Variants in SLC12A4 observed in about 807,000 individuals in gnomAD.
SLC12A4 encodes the protein solute carrier family 12 member 4.
Under a neutral mutation model 119.2 loss-of-function variants are expected in SLC12A4, and 84 were observed. The ratio of observed to expected loss-of-function variants is 0.70; its 90% CI spans 0.59 to 0.85. The LOEUF (loss-of-function observed/expected upper bound fraction) is 0.85. SLC12A4 is among the 40% of genes least tolerant of loss of function. The pLI is 0.00. For missense variants in SLC12A4, 1,298 were observed against 1,476.3 expected, an observed-to-expected ratio of 0.88 and a Z score of 1.98; for synonymous variants, 599 against 604.6, an observed-to-expected ratio of 0.99 and a Z score of 0.14.
rs1363076317 is a variant in SLC12A4, at chr16:67,961,703, C to G, written c.214G>C (p.Glu72Gln). The change falls in exon 3 of 24, where the codon GAG becomes CAG. Residue 72 changes from glutamate (E) to glutamine (Q), a missense_variant. Coordinates refer to ENST00000316341, the MANE Select transcript of SLC12A4 (RefSeq NM_005072.5). ...YDRNLALFEE[E>Q]LDIRPKVSSL... The stretch of plus-strand genomic sequence containing the variant: ...GATACCTTTGGGCGGATGTCCAGCT[C>G]TTCCTGCAAACAGAGCCACAGGGCA... The G allele has an allele frequency of 6.2e-7, 1 of 1,614,112 alleles. No individual in the cohort carries two copies. The highest frequency in any genetic ancestry group is 1.3e-5 in the African/African-American group (1 of 75,082).
Position 67,946,153 on chromosome 16 carries a change from A to T in SLC12A4, c.2607+18T>A. On this transcript the variant is annotated intron_variant, in intron 19 of 23. Coordinates refer to ENST00000316341, the MANE Select transcript of SLC12A4 (RefSeq NM_005072.5). ...CAAGGGCCTAGCCCCTCTCATCTGC[A>T]CCCACCCCCTGGTCTACCTTATGCT... 1 of 1,613,550 alleles carries T rather than the reference A, an allele frequency of 6.2e-7. No homozygotes were observed. Among genetic ancestry groups the T allele is most frequent in the Non-Finnish European group, 8.5e-7 (1 of 1,179,854 alleles).
Position 67,945,083 on chromosome 16 carries a change from A to G in SLC12A4, c.3166+4T>C. On this transcript the variant is annotated splice_donor_region_variant and intron_variant, in intron 23 of 23. Coordinates refer to ENST00000316341, the MANE Select transcript of SLC12A4 (RefSeq NM_005072.5). ...CAACTGCCTGCCTCTCCACAAAGGG[A>G]TACAGTTCTCGTCGCCCTCACTGTT... The G allele has an allele frequency of 6.3e-7, 1 of 1,579,082 alleles. No individual in the cohort carries two copies. The highest frequency in any genetic ancestry group is 8.6e-7 in the Non-Finnish European group (1 of 1,160,232).
chr16:67,961,362 G>GGGCT (rs757323155), intron 3 of SLC12A4, among the ~76,000 whole-genome samples: 1 of 152,124 alleles, frequency 6.6e-6, no homozygotes, highest in Non-Finnish European at 1.5e-5. Context: ...CATTCCTGAG[G>GGGCT]GGCTCCCTGG....
intron 5 of SLC12A4, 200 bp downstream of exon 5, chr16:67,957,542 A>G: frequency 1.7e-6 from 1 of 603,578 alleles, no homozygotes; most frequent in Non-Finnish European, 2.9e-6. Flanking sequence ...TATTGCTTTT[A>G]TATTAACAAA....
rs1228879014 is a variant in SLC12A4, at chr16:67,946,468, C to T, written c.2407G>A (p.Glu803Lys). The T allele has an allele frequency of 3.7e-6, 6 of 1,606,712 alleles. No individual in the cohort carries two copies. The highest frequency in any genetic ancestry group is 4.5e-5 in the East Asian group (2 of 44,886). Residue 803 changes from glutamate (E) to lysine (K), a missense_variant, in exon 18 of 24, where the codon GAG becomes AAG. By Grantham distance (56) the Glu-to-Lys change is moderately conservative. Coordinates refer to ENST00000316341, the MANE Select transcript of SLC12A4 (RefSeq NM_005072.5). ...AAGGTCTTCCAGGCACGGGGGTCCT[C>T]GCTCTGTCGCCAGCCGTAGGGCCAG... Reference protein sequence around the residue: ...LGWPYGWRQSEDPRAWKTFID... With the variant: ...LGWPYGWRQSKDPRAWKTFID...
At chr16:67,946,803 G>A in intron 17 of SLC12A4, 134 bp downstream of exon 17, 3 of 1,254,366 alleles carry the variant, frequency 2.4e-6, no homozygotes, top group Non-Finnish European at 3.3e-6. Flanking sequence ...GCTCCCCCTT[G>A]TGCCAGCTCT....
chr16:67,959,909 T>C (rs1241842170), intron 3 of SLC12A4, among the ~76,000 whole-genome samples: 3 of 152,350 alleles, frequency 2.0e-5, no homozygotes, highest in African/African-American at 4.8e-5. Flanking sequence ...CCGAGGCCCC[T>C]GCTCGGGCCT....
chr16:67,947,093 C>A lies in SLC12A4; in HGVS notation c.2085G>T (p.Leu695=), dbSNP rs925728841. The part of the protein sequence containing the change: ...PHTKNWRPQL[L]VLLKLDEDLH... ...GGTCCTCGTCCAGCTTCAGCAGCAC[C>A]AGCAGCTGCGGCCTGCAGTGGCCGG... Residue 695 remains leucine (L), a synonymous_variant, in exon 17 of 24, where the codon CTG becomes CTT. Coordinates refer to ENST00000316341, the MANE Select transcript of SLC12A4 (RefSeq NM_005072.5). 3.1e-6 allele frequency: 5 copies of A among 1,597,264 alleles called. No homozygotes were observed. In the African/African-American group the frequency reaches 6.7e-5, roughly 21 times the overall value.
rs2058320093 is a variant in SLC12A4 at position 67,944,714 on chromosome 16, G to T, written c.*126C>A. The T allele has an allele frequency of 1.4e-6, 2 of 1,446,086 alleles. No homozygotes were observed. The highest frequency in any genetic ancestry group is 2.6e-5 in the Admixed American group (1 of 37,882). 89.6% of individuals were successfully genotyped at this position (1,446,086 alleles called of 1,614,324 possible). On this transcript the variant is annotated 3_prime_UTR_variant, in exon 24 of 24. Transcript: ENST00000316341. This position sits in a 1 kb window ranked among gnomAD's most constrained non-coding sequence, Gnocchi z 6.6. Reference sequence around the variant, plus strand: ...GTTTCCAAGGAGACCTAGCAAAGCTGGGTCCAGGACAGGGCCAGGCAAGCA... The same window carrying T: ...GTTTCCAAGGAGACCTAGCAAAGCTTGGTCCAGGACAGGGCCAGGCAAGCA...
intron 16 of SLC12A4, 106 bp from the exon 17 acceptor site, chr16:67,947,211 T>C (rs1275518198): frequency 6.7e-7 from 1 of 1,501,258 alleles, no homozygotes; most frequent in African/African-American, 1.4e-5. Context: ...TTGGGTAGCA[T>C]GGCCCAGGAG....
rs750052854 is a variant in SLC12A4, at chr16:67,946,225, G to A, written c.2553C>T (p.Ile851=). ...GCATGAGCATGCCACCATCGTGCAC[G>A]ATCCACCACACGTCTATGTGGCCCT... is the stretch of plus-strand genomic sequence containing the variant. ...YLEGHIDVWW[I]VHDGGMLMLL... The change falls in exon 19 of 24, where the codon ATC becomes ATT. Residue 851 remains isoleucine, a synonymous_variant. Transcript: ENST00000316341. 1.1e-5 allele frequency: 17 copies of A among 1,613,904 alleles called. No homozygotes were observed. Among genetic ancestry groups the A allele is most frequent in the East Asian group, 2.2e-5 (1 of 44,882 alleles).
upstream of SLC12A4, chr16:67,968,674 T>C (rs2030978972): frequency 1.6e-6 from 2 of 1,264,228 alleles, no homozygotes; most frequent in Non-Finnish European, 2.0e-6. Context: ...CTGCGCTCAC[T>C]TCCTCCGCCC....
chr16:67,951,186 G>A lies in SLC12A4; in HGVS notation c.1251C>T (p.Ala417=). 1 of 1,614,056 alleles carries A rather than the reference G, an allele frequency of 6.2e-7. No homozygotes were observed. The highest frequency in any genetic ancestry group is 8.5e-7 in the Non-Finnish European group (1 of 1,179,962). The change falls in exon 9 of 24, where the codon GCC becomes GCT. Residue 417 remains alanine, a synonymous_variant. Transcript: ENST00000316341. This position sits in a 1 kb window ranked among gnomAD's most constrained non-coding sequence, Gnocchi z 5.2. ...SLPLYVVADI[A]TSFTVLVGIF... ...TGCCGACCAGCACGGTGAAGGATGTGGCGATGTCAGCGACCACGTACAGAG... is the reference window on the plus strand; with the variant it reads ...TGCCGACCAGCACGGTGAAGGATGTAGCGATGTCAGCGACCACGTACAGAG...
At chr16:67,958,084 AG>A (rs1380343572) in intron 3 of SLC12A4, 40 bp from the exon 4 acceptor site, 1 of 1,599,048 alleles carries the variant, frequency 6.3e-7, no homozygotes, top group Admixed American at 1.7e-5. Flanking sequence ...AGAGCATCAG[AG>A]GGATGCACCA....
At position 67,951,109 on chromosome 16, in the gene SLC12A4, A is replaced by G; in HGVS notation, c.1297+31T>C. On this transcript the variant is annotated intron_variant, in intron 9 of 23. Transcript: ENST00000316341. The surrounding 1 kb of genome is among the most constrained non-coding windows in gnomAD (Gnocchi z 5.2). The stretch of plus-strand genomic sequence containing the variant: ...TCAGGGGCTCCCCGGGATTGGGGAC[A>G]GGGCTGGGTGGGTAGGCAGGCAGGG... 2 of 1,613,480 alleles carry G rather than the reference A, an allele frequency of 1.2e-6. No individual in the cohort carries two copies. Among genetic ancestry groups the G allele is most frequent in the Middle Eastern group, 1.6e-4 (1 of 6,062 alleles).
rs2058387608 is a variant in SLC12A4, at chr16:67,949,386, G to A, written c.1748+414C>T. 6.6e-6 allele frequency among the ~76,000 whole-genome samples: 1 copy of A among 151,942 alleles called. No individual in the cohort carries two copies. Among genetic ancestry groups the A allele is most frequent in the Admixed American group, 6.6e-5 (1 of 15,254 alleles). On this transcript the variant is annotated intron_variant, in intron 13 of 23. Coordinates refer to ENST00000316341, the MANE Select transcript of SLC12A4 (RefSeq NM_005072.5). The surrounding 1 kb of genome is among the most constrained non-coding windows in gnomAD (Gnocchi z 4.6). ...GAATTGCTTGAACCCAGGAGGCGGA[G>A]ATTGCAGTGAGCCAAGATCATGCCA...
intron 13 of SLC12A4, among the ~76,000 whole-genome samples, chr16:67,948,681 A>G (rs1353325330): frequency 1.3e-5 from 2 of 152,162 alleles, no homozygotes; most frequent in African/African-American, 4.8e-5. Flanking sequence ...GCAGGAAGGC[A>G]GGAGGACCCA....
Position 67,946,938 on chromosome 16 carries a change from T to C in SLC12A4, c.2240A>G (p.Gln747Arg). ...ESYGEAQAAE[Q>R]TIKNMMEIEK... ...GCTCTCCCTCCCCAAAGCAAGTACC[T>C]GCTCGGCGGCCTGAGCCTCGCCATA... is the stretch of plus-strand genomic sequence containing the variant. The change falls in exon 17 of 24, where the codon CAG becomes CGG. Residue 747 changes from glutamine (Q) to arginine (R), a missense_variant and splice_region_variant. Coordinates refer to ENST00000316341, the MANE Select transcript of SLC12A4 (RefSeq NM_005072.5). 1 of 1,612,712 alleles carries C rather than the reference T, an allele frequency of 6.2e-7. No homozygotes were observed. Among genetic ancestry groups the C allele is most frequent in the Non-Finnish European group, 8.5e-7 (1 of 1,179,722 alleles).
chr16:67,954,881 C>T (rs2030163705), intron 5 of SLC12A4, 108 bp from the exon 6 acceptor site: 5 of 1,409,766 alleles, frequency 3.5e-6, no homozygotes, highest in Middle Eastern at 1.9e-4. Context: ...ACTGCTTTTC[C>T]TGTTTGTGGA....
Sources: allele counts gnomAD v4.1 joint callset (sites outside exome capture counted in the v4.1 genomes callset), GRCh38; gene constraint gnomAD v4.1.1; non-coding constraint Gnocchi (gnomAD v3.1); transcripts MANE v1.5; gene names NCBI Gene and HGNC (gene_info 2026-07-23, HGNC 2026-07-21).